Variants in SAMSN1 observed in about 807,000 individuals in gnomAD.
SAMSN1 encodes the protein SAM domain, SH3 domain and nuclear localization signals 1.
SAMSN1 carries 31 observed loss-of-function variants against 42.0 expected under a neutral mutation model. That is an observed-to-expected ratio of 0.74 (90% CI 0.55 to 1.00). SAMSN1 has a LOEUF of 1.00. Among genes scored for constraint, SAMSN1 ranks in the 50% least tolerant of loss-of-function variants. The pLI is 0.00. For synonymous variants in SAMSN1, 178 were observed against 151.9 expected (o/e 1.17, Z -1.26); for missense variants, 464 against 439.4 (o/e 1.06, Z -0.50).
intron 2 of SAMSN1, among the ~76,000 whole-genome samples, chr21:14,563,971 C>T (rs1191776155): frequency 1.3e-5 from 2 of 152,092 alleles, no homozygotes; most frequent in African/African-American, 2.4e-5. Context: ...CATGGGGTGG[C>T]CAAGTTGGGT....
At chr21:14,610,573 A>G (rs1339776885) in intron 4 of SAMSN1, among the ~76,000 whole-genome samples, 1 of 151,784 alleles carries the variant, frequency 6.6e-6, no homozygotes, top group Non-Finnish European at 1.5e-5. Flanking sequence ...AATTGCTAAT[A>G]AAAACCTGCT....
At chr21:14,489,566 A>C (rs567050046) in intron 7 of SAMSN1, among the ~76,000 whole-genome samples, 2 of 152,200 alleles carry the variant, frequency 1.3e-5, no homozygotes, top group Non-Finnish European at 2.9e-5. Context: ...ATTAGAATAC[A>C]CTGAAGAATT....
At chr21:14,521,505 T>A (rs1007858101) in intron 1 of SAMSN1, among the ~76,000 whole-genome samples, 3 of 152,256 alleles carry the variant, frequency 2.0e-5, no homozygotes, top group Non-Finnish European at 2.9e-5. Context: ...TTAATTTTGC[T>A]CTTTGAAGTG....
intron 1 of SAMSN1, among the ~76,000 whole-genome samples, chr21:14,524,760 G>A (rs1043255174): frequency 5.9e-5 from 9 of 152,120 alleles, no homozygotes; most frequent in African/African-American, 7.2e-5. Flanking sequence ...CAATGCAAAT[G>A]TATGAAGCTG....
At chr21:14,603,252 C>T (rs1278287033) in intron 5 of SAMSN1, among the ~76,000 whole-genome samples, 3 of 152,126 alleles carry the variant, frequency 2.0e-5, no homozygotes, top group Non-Finnish European at 2.9e-5. Flanking sequence ...TGAATGACTC[C>T]TTCTATAAGC....
At chr21:14,622,912 A>G (rs1330285321) in intron 2 of SAMSN1, among the ~76,000 whole-genome samples, 1 of 152,256 alleles carries the variant, frequency 6.6e-6, no homozygotes, top group African/African-American at 2.4e-5. Context: ...TCTGACTAAC[A>G]GCGGACCTCT....
chr21:14,523,918 A>G (rs138173069), intron 1 of SAMSN1, among the ~76,000 whole-genome samples: 1 of 152,320 alleles, frequency 6.6e-6, no homozygotes, highest in African/African-American at 2.4e-5. Context: ...ACACTGGACT[A>G]TTACTTTGGG....
intron 2 of SAMSN1, among the ~76,000 whole-genome samples, chr21:14,627,069 T>C (rs910795625): frequency 2.0e-5 from 3 of 152,024 alleles, no homozygotes; most frequent in South Asian, 2.1e-4. Flanking sequence ...TAGGTGGGAA[T>C]TGAACAATGA....
At chr21:14,543,379 CTG>C (rs1190765172) in intron 1 of SAMSN1, among the ~76,000 whole-genome samples, 1 of 152,102 alleles carries the variant, frequency 6.6e-6, no homozygotes, top group African/African-American at 2.4e-5. Flanking sequence ...CATGGTAAAA[CTG>C]TATTTTAACA....
At chr21:14,640,739 A>G (rs1983574782) in intron 2 of SAMSN1, among the ~76,000 whole-genome samples, 1 of 152,078 alleles carries the variant, frequency 6.6e-6, no homozygotes, top group Non-Finnish European at 1.5e-5. Context: ...TATTAATAAT[A>G]CTTTGATGGG....
intron 2 of SAMSN1, among the ~76,000 whole-genome samples, chr21:14,561,870 C>T (rs557768687): frequency 7.9e-5 from 12 of 152,260 alleles, no homozygotes; most frequent in Non-Finnish European, 1.0e-4. Context: ...GGAATTATGC[C>T]ACCATGAATC....
chr21:14,539,531 C>G (rs568848432), intron 1 of SAMSN1, among the ~76,000 whole-genome samples: 1 of 152,006 alleles, frequency 6.6e-6, no homozygotes, highest in Non-Finnish European at 1.5e-5. Context: ...CATGATTGAA[C>G]TCCCATTCAC....
In SAMSN1 at chr21:14,539,120, C is replaced by G. The variant is rs1402890766; in HGVS notation, c.57+7085G>C. On this transcript the variant is annotated intron_variant, in intron 1 of 7. Transcript: ENST00000400566. ...CCTTTAGGTAACAATGGGATTCTTT[C>G]ATAACATTGGGTATATTAGAGTTCT... Among the ~76,000 whole-genome samples, 4 of 152,246 alleles carry G rather than the reference C, an allele frequency of 2.6e-5. No homozygotes were observed. In the East Asian group the frequency reaches 7.7e-4, roughly 29 times the overall value.
chr21:14,536,348 T>G (rs994447739), intron 1 of SAMSN1, among the ~76,000 whole-genome samples: 4 of 152,228 alleles, frequency 2.6e-5, no homozygotes, highest in African/African-American at 9.6e-5. Flanking sequence ...AAATCCAGCA[T>G]CTTGGTAGTC....
chr21:14,581,344 C>CTTTTCTTT (rs1981715592), intron 2 of SAMSN1, among the ~76,000 whole-genome samples: 2 of 32,594 alleles, frequency 6.1e-5, no homozygotes, highest in Admixed American at 6.1e-4. Context: ...AATAATATTT[C>CTTTTCTTT]TTTTTTTTTT....
intron 7 of SAMSN1, among the ~76,000 whole-genome samples, chr21:14,490,732 T>C (rs1986648176): frequency 6.6e-6 from 1 of 152,198 alleles, no homozygotes; most frequent in Admixed American, 6.5e-5. Flanking sequence ...GTGGCTTCTG[T>C]TCCCCTGAGG....
chr21:14,607,200 G>A (rs1027374495), intron 5 of SAMSN1, among the ~76,000 whole-genome samples: 1 of 152,092 alleles, frequency 6.6e-6, no homozygotes, highest in African/African-American at 2.4e-5. Context: ...TTATCTCACT[G>A]AACTCCACAG....
intron 3 of SAMSN1, among the ~76,000 whole-genome samples, chr21:14,514,545 A>G (rs549413916): frequency 6.6e-6 from 1 of 152,344 alleles, no homozygotes; most frequent in South Asian, 2.1e-4. Flanking sequence ...GGAATAGTTT[A>G]CATGGAGAAA....
chr21:14,605,450 C>T (rs554903876), intron 5 of SAMSN1, among the ~76,000 whole-genome samples: 105 of 152,136 alleles, frequency 6.9e-4, no homozygotes, highest in Non-Finnish European at 1.4e-3. Context: ...GTTAAATTAC[C>T]TGCTCTTAGG....
Sources: allele counts gnomAD v4.1 joint callset (sites outside exome capture counted in the v4.1 genomes callset), GRCh38; gene constraint gnomAD v4.1.1; transcripts MANE v1.5; gene names NCBI Gene and HGNC (gene_info 2026-07-23, HGNC 2026-07-21).